The following HMGXB3 variants were observed in gnomAD, a reference collection of about 807,000 sequenced individuals.
HMGXB3 encodes HMG domain-containing protein 3.
A neutral mutation model predicts 121.5 loss-of-function variants in HMGXB3; 45 were observed. That is an observed-to-expected ratio of 0.37 (90% CI 0.29 to 0.47). HMGXB3 has a LOEUF of 0.47. Among genes scored for constraint, HMGXB3 ranks in the 20% least tolerant of loss-of-function variants. The pLI is 0.99. For synonymous variants in HMGXB3, 590 were observed against 624.1 expected (o/e 0.95, Z 0.81); for missense variants, 1,376 against 1,602.2 (o/e 0.86, Z 2.41).
chr5:150,021,769 C>G (rs1360346704), intron 6 of HMGXB3: 2 of 507,264 alleles, frequency 3.9e-6, no homozygotes, highest in Admixed American at 4.0e-5. Flanking sequence ...TCGAACTGAT[C>G]CTTTCACTGA....
rs773190257 is a variant in HMGXB3, at chr5:150,040,897, C to A, written c.2545+18C>A. 1 of 1,540,214 alleles carries A rather than the reference C, an allele frequency of 6.5e-7. No individual in the cohort carries two copies. The highest frequency in any genetic ancestry group is 8.8e-7 in the Non-Finnish European group (1 of 1,142,714). ...GCAGACAGGTAAAAGTTGTTTTCTT[C>A]CCTTTCCCAAGGTTAGTCCTAAGCT... On this transcript the variant is annotated intron_variant, in intron 14 of 19. Transcript: ENST00000502717.
At chr5:150,010,074 C>G in intron 3 of HMGXB3, 37 bp from the exon 4 acceptor site, 2 of 1,532,956 alleles carry the variant, frequency 1.3e-6, no homozygotes, top group Non-Finnish European at 1.8e-6. Context: ...CCATTTATCT[C>G]TGCTTGTCTC....
At chr5:150,030,147 T>C (rs1756338352) in intron 9 of HMGXB3, among the ~76,000 whole-genome samples, 1 of 150,756 alleles carries the variant, frequency 6.6e-6, no homozygotes, top group African/African-American at 2.5e-5. Flanking sequence ...TCTTTCTTTT[T>C]TTTAGCTATA....
chr5:150,003,882 A>C (rs1755634904), intron 1 of HMGXB3, among the ~76,000 whole-genome samples: 1 of 152,198 alleles, frequency 6.6e-6, no homozygotes, highest in South Asian at 2.1e-4. Flanking sequence ...TGAGCCCAGG[A>C]GGTCAAGACT....
Position 150,021,761 on chromosome 5 carries a change from G to A in HMGXB3, c.1042-2501G>A, listed in dbSNP as rs138671261. The A allele has an allele frequency of 3.1e-3, 1,552 of 508,370 alleles. 7 individuals carry two copies. The highest frequency in any genetic ancestry group is 4.6e-3 in the Non-Finnish European group (1,177 of 254,538). The allele number at this position is 508,370 out of a possible 1,614,324, so 31.5% of individuals were successfully genotyped here. A position where few individuals can be genotyped will look rare whatever the true frequency, so the allele number is the denominator to read the frequency against. ...ATTCTCAAAGTCTTGGTAGGCATTC[G>A]AACTGATCCTTTCACTGAGATTCTT... On this transcript the variant is annotated intron_variant, in intron 6 of 19. Coordinates refer to ENST00000502717, the MANE Select transcript of HMGXB3 (RefSeq NM_014983.3).
rs1403382092 is a variant in HMGXB3, at chr5:150,049,922, A to AGCT, written c.3202-317_3202-315dup. Among the ~76,000 whole-genome samples the AGCT allele has an allele frequency of 9.2e-5, 14 of 152,308 alleles. No homozygotes were observed. The East Asian group carries it at 1.2e-3, about 13-fold the overall frequency. ...GCATCTCCATTCTTAACCAGCTCTTAGCTGCTGCTGCTGCTATGTAGCTAG... is the reference window on the plus strand; with the variant it reads ...GCATCTCCATTCTTAACCAGCTCTTAGCTGCTGCTGCTGCTGCTATGTAGCTAG... On this transcript the variant is annotated intron_variant, in intron 18 of 19. Transcript: ENST00000502717.
chr5:150,033,723 T>G (rs1756435035), intron 11 of HMGXB3, among the ~76,000 whole-genome samples: 1 of 152,046 alleles, frequency 6.6e-6, no homozygotes, highest in African/African-American at 2.4e-5. Flanking sequence ...GAGGGGAATT[T>G]ATGGGATGAG....
Position 150,012,330 on chromosome 5 carries a change from G to GA in HMGXB3, c.887dup (p.Asn297GlufsTer36). ...GCCTCTGCCTGCCTACTCGGTTGTG[G>GA]AGAACCCCACCTCCATCAAACTGGT... On this transcript the variant is annotated frameshift_variant, in exon 5 of 20. Coordinates refer to ENST00000502717, the MANE Select transcript of HMGXB3 (RefSeq NM_014983.3). 6.4e-7 allele frequency: 1 copy of GA among 1,552,274 alleles called. No homozygotes were observed.
chr5:150,022,426 G>C (rs1756119213), intron 6 of HMGXB3, among the ~76,000 whole-genome samples: 1 of 152,136 alleles, frequency 6.6e-6, no homozygotes, highest in Non-Finnish European at 1.5e-5. Flanking sequence ...CATTCTTAAG[G>C]CTCTCTGATG....
chr5:150,033,671 T>C (rs982784765), intron 11 of HMGXB3, among the ~76,000 whole-genome samples: 4 of 152,170 alleles, frequency 2.6e-5, no homozygotes, highest in African/African-American at 7.2e-5. Context: ...TCCTACTGAA[T>C]GTCCTTGAGC....
intron 11 of HMGXB3, among the ~76,000 whole-genome samples, chr5:150,034,164 C>G (rs1053795836): frequency 2.0e-5 from 3 of 152,158 alleles, no homozygotes; most frequent in African/African-American, 7.2e-5. Context: ...TTCTCTTGCT[C>G]CACTGGATGC....
At chr5:150,016,782 ATTAT>A (rs1755970063) in intron 5 of HMGXB3, among the ~76,000 whole-genome samples, 1 of 152,112 alleles carries the variant, frequency 6.6e-6, no homozygotes, top group South Asian at 2.1e-4. Context: ...TAGATCTATT[ATTAT>A]TTGTCTCATC....
intron 6 of HMGXB3, chr5:150,021,635 CA>C (rs1244619959): frequency 9.6e-6 from 5 of 521,110 alleles, no homozygotes; most frequent in Admixed American, 8.0e-5. Context: ...ATTTGCTTAA[CA>C]ATCTCAGAAG....
intron 3 of HMGXB3, 88 bp from the exon 4 acceptor site, chr5:150,010,023 A>G: frequency 5.2e-6 from 7 of 1,358,618 alleles, no homozygotes; most frequent in Non-Finnish European, 6.9e-6. Context: ...AAAAGAACTT[A>G]CACATATATA....
chr5:150,042,565 A>C (rs1266891468), intron 15 of HMGXB3, among the ~76,000 whole-genome samples: 1 of 143,042 alleles, frequency 7.0e-6, no homozygotes, highest in Non-Finnish European at 1.5e-5. Context: ...GGTATGATTG[A>C]GGACCAGCAA....
At chr5:150,014,465 C>T (rs1348755701) in intron 5 of HMGXB3, among the ~76,000 whole-genome samples, 2 of 152,160 alleles carry the variant, frequency 1.3e-5, no homozygotes, top group South Asian at 2.1e-4. Context: ...ACGATACTTT[C>T]GATAGGTACA....
chr5:150,008,055 TCACA>T (rs70973560), intron 3 of HMGXB3, among the ~76,000 whole-genome samples: 12,256 of 129,824 alleles, frequency 0.094, 584 homozygotes, highest in East Asian at 0.13. Context: ...AGACTCTGTT[TCACA>T]CACACACACA....
At position 150,006,652 on chromosome 5, in the gene HMGXB3, G is replaced by T; in HGVS notation, c.312+5G>T. 6.5e-7 allele frequency: 1 copy of T among 1,550,356 alleles called. No homozygotes were observed. Among genetic ancestry groups the T allele is most frequent in the Non-Finnish European group, 8.7e-7 (1 of 1,146,242 alleles). On this transcript the variant is annotated splice_donor_5th_base_variant and intron_variant, in intron 3 of 19. Coordinates refer to ENST00000502717, the MANE Select transcript of HMGXB3 (RefSeq NM_014983.3). ...GAGAAGGAAGGTTTGGATCCTGTAAGTAATTTTTTTTTCCAGCTATTTTTT... is the reference window on the plus strand; with the variant it reads ...GAGAAGGAAGGTTTGGATCCTGTAATTAATTTTTTTTTCCAGCTATTTTTT...
chr5:150,010,725 C>G, intron 4 of HMGXB3, 117 bp downstream of exon 4: 1 of 988,430 alleles, frequency 1.0e-6, no homozygotes, highest in Non-Finnish European at 1.5e-6. Context: ...GTGGCACTTA[C>G]TGATACTGCA....
Sources: gnomAD v4.1 joint callset for allele counts (sites outside exome capture counted in the v4.1 genomes callset) on GRCh38, gnomAD v4.1.1 for gene constraint, MANE v1.5 for transcripts, NCBI Gene and HGNC (gene_info 2026-07-23, HGNC 2026-07-21) for gene names.